NSG1: variants seen among roughly 807,000 people sequenced by gnomAD.
NSG1 encodes the protein neuronal vesicle trafficking-associated protein 1.
Under a neutral mutation model 19.3 loss-of-function variants are expected in NSG1, and 9 were observed. The observed-to-expected ratio is 0.47, with a 90% CI of 0.28 to 0.81. The LOEUF is 0.81. NSG1 is among the 40% of genes least tolerant of loss of function. The pLI is 0.11. For missense variants in NSG1, 236 were observed against 242.4 expected, an observed-to-expected ratio of 0.97 and a Z score of 0.18; for synonymous variants, 104 against 107.0, an observed-to-expected ratio of 0.97 and a Z score of 0.17.
At chr4:4,403,373 C>T (rs1387441222) in intron 3 of NSG1, among the ~76,000 whole-genome samples, 1 of 152,202 alleles carries the variant, frequency 6.6e-6, no homozygotes, top group Non-Finnish European at 1.5e-5. Context: ...GACACTGTTT[C>T]CCTGCCGCTT....
chr4:4,409,936 G>C (rs191222612), intron 4 of NSG1, among the ~76,000 whole-genome samples: 2 of 152,250 alleles, frequency 1.3e-5, no homozygotes, highest in African/African-American at 4.8e-5. Flanking sequence ...CAGCAGTCCG[G>C]GGAAGGGCCC....
At chr4:4,413,359 C>T (rs1304776958) in intron 4 of NSG1, among the ~76,000 whole-genome samples, 1 of 151,436 alleles carries the variant, frequency 6.6e-6, no homozygotes, top group East Asian at 2.0e-4. Context: ...GGGGAGTGTG[C>T]CCAGCCAAGG....
Position 4,409,563 on chromosome 4 carries a change from C to G in NSG1, c.247-10C>G, listed in dbSNP as rs955814697. On this transcript the variant is annotated splice_polypyrimidine_tract_variant and intron_variant, in intron 3 of 4. Coordinates refer to ENST00000621129, the MANE Select transcript of NSG1 (RefSeq NM_014392.5). ...CCGGCCACCCCTGACAGTCCCACCT[C>G]TGCCCACAGGTCTCCGTGTTGGTCC... 2.5e-6 allele frequency: 4 copies of G among 1,611,886 alleles called. No homozygotes were observed. Among genetic ancestry groups the G allele is most frequent in the African/African-American group, 1.3e-5 (1 of 74,858 alleles).
intron 4 of NSG1, among the ~76,000 whole-genome samples, chr4:4,411,750 A>AAACAG (rs1724196271): frequency 1.1e-5 from 1 of 89,606 alleles, no homozygotes; most frequent in African/African-American, 6.7e-5. Flanking sequence ...TCTAAAAACA[A>AAACAG]AACAAAACAA....
chr4:4,395,380 G>T (rs1723202727), intron 3 of NSG1, among the ~76,000 whole-genome samples: 1 of 152,220 alleles, frequency 6.6e-6, no homozygotes, highest in Admixed American at 6.5e-5. Context: ...CAGAAGCTGG[G>T]AAGGATGAGG....
At position 4,417,822 on chromosome 4, in the gene NSG1, T is replaced by A; in HGVS notation, c.*387T>A. 1 of 309,142 alleles carries A rather than the reference T, an allele frequency of 3.2e-6. No homozygotes were observed. The highest frequency in any genetic ancestry group is 6.2e-6 in the Non-Finnish European group (1 of 161,744). 19.1% of individuals were successfully genotyped at this position (309,142 alleles called of 1,614,324 possible). Reference sequence around the variant, plus strand: ...GTCTGCAAACCTTCCTCCATAGCCATATCTAGAGTGATCTCTCGCTGTGCT... The same window carrying A: ...GTCTGCAAACCTTCCTCCATAGCCAAATCTAGAGTGATCTCTCGCTGTGCT... On this transcript the variant is annotated 3_prime_UTR_variant, in exon 5 of 5. Transcript: ENST00000621129.
intron 4 of NSG1, among the ~76,000 whole-genome samples, chr4:4,414,244 A>C (rs1030932338): frequency 6.6e-6 from 1 of 151,832 alleles, no homozygotes. Context: ...ATGAAGCCCC[A>C]GTCCTGTGTC....
At chr4:4,401,615 T>A (rs1336163926) in intron 3 of NSG1, among the ~76,000 whole-genome samples, 1 of 152,066 alleles carries the variant, frequency 6.6e-6, no homozygotes, top group South Asian at 2.1e-4. Context: ...TCTCGCCCTG[T>A]GTTGGGAAGA....
intron 1 of NSG1, 78 bp from the exon 2 acceptor site, chr4:4,387,526 T>C: frequency 2.1e-6 from 2 of 953,306 alleles, no homozygotes; most frequent in Non-Finnish European, 3.1e-6. Context: ...GGGACGCCGG[T>C]GGGTGTGGGT....
chr4:4,401,856 C>T (rs919980938), intron 3 of NSG1, among the ~76,000 whole-genome samples: 4 of 152,000 alleles, frequency 2.6e-5, no homozygotes, highest in African/African-American at 9.7e-5. Context: ...CTGGGTTCCT[C>T]AATATAGATT....
chr4:4,417,011 C>T (rs935878840), intron 4 of NSG1, among the ~76,000 whole-genome samples: 6 of 152,184 alleles, frequency 3.9e-5, no homozygotes, highest in Admixed American at 1.3e-4. Context: ...CCCAAGTGCC[C>T]ATCTGCCATG....
intron 3 of NSG1, among the ~76,000 whole-genome samples, chr4:4,403,353 C>T (rs1161634744): frequency 6.6e-6 from 1 of 152,222 alleles, no homozygotes; most frequent in Non-Finnish European, 1.5e-5. Flanking sequence ...TGTCCGGAGG[C>T]TCTTAGGCAG....
intron 3 of NSG1, among the ~76,000 whole-genome samples, chr4:4,404,696 C>G (rs966606399): frequency 1.3e-5 from 2 of 152,226 alleles, no homozygotes; most frequent in African/African-American, 4.8e-5. Flanking sequence ...ATCCAATGTT[C>G]CAGAATTCTT....
intron 3 of NSG1, among the ~76,000 whole-genome samples, chr4:4,402,619 A>G (rs996655250): frequency 7.9e-5 from 12 of 151,410 alleles, no homozygotes; most frequent in Non-Finnish European, 1.6e-4. Flanking sequence ...CGATCTCCTG[A>G]CCTCGTGATC....
intron 3 of NSG1, among the ~76,000 whole-genome samples, chr4:4,403,971 T>C (rs1202883146): frequency 2.0e-5 from 3 of 152,238 alleles, no homozygotes; most frequent in Admixed American, 6.5e-5. Flanking sequence ...TTAGGCTACA[T>C]GCGGGAGGCA....
At chr4:4,400,891 G>A (rs977571639) in intron 3 of NSG1, among the ~76,000 whole-genome samples, 3 of 152,206 alleles carry the variant, frequency 2.0e-5, no homozygotes, top group African/African-American at 7.2e-5. Flanking sequence ...TTCGATACCA[G>A]TATTTCAATA....
At chr4:4,387,350 C>T (rs1414621039) in intron 1 of NSG1, among the ~76,000 whole-genome samples, 177 bp downstream of exon 1, 2 of 152,100 alleles carry the variant, frequency 1.3e-5, no homozygotes, top group African/African-American at 4.8e-5. Flanking sequence ...GCAGGGGCGG[C>T]GCCCCCTTCC....
intron 3 of NSG1, among the ~76,000 whole-genome samples, chr4:4,407,777 T>G (rs1171149030): frequency 6.6e-6 from 1 of 151,986 alleles, no homozygotes; most frequent in Non-Finnish European, 1.5e-5. Flanking sequence ...TCCCATGTCA[T>G]AGGGAAGGAG....
chr4:4,403,805 C>A (rs1266829461), intron 3 of NSG1, among the ~76,000 whole-genome samples: 2 of 152,330 alleles, frequency 1.3e-5, no homozygotes, highest in East Asian at 3.9e-4. Flanking sequence ...ACTTTAAATG[C>A]TGACCAGAGT....
Sources: allele counts gnomAD v4.1 joint callset (sites outside exome capture counted in the v4.1 genomes callset), GRCh38; gene constraint gnomAD v4.1.1; transcripts MANE v1.5; gene names NCBI Gene and HGNC (gene_info 2026-07-23, HGNC 2026-07-21).